The following ARK2N variants were observed in gnomAD, a reference collection of about 807,000 sequenced individuals.
The protein encoded by ARK2N is arkadia (RNF111) N-terminal like PKA signaling regulator 2N.
the ARK2N span, among the ~76,000 whole-genome samples, chr18:46,252,401 T>C: frequency 6.6e-6 from 1 of 151,906 alleles, no homozygotes. Flanking sequence ...CTTAGCCTCC[T>C]GAGTAGCTGG....
At chr18:46,260,008 A>G in the ARK2N span, among the ~76,000 whole-genome samples, 1 of 148,438 alleles carries the variant, frequency 6.7e-6, no homozygotes, top group African/African-American at 2.5e-5. Flanking sequence ...GTCATGATCC[A>G]CTGTGCCAGC....
the ARK2N span, among the ~76,000 whole-genome samples, chr18:46,249,737 C>G: frequency 6.6e-6 from 1 of 152,222 alleles, no homozygotes; most frequent in Admixed American, 6.5e-5. Context: ...ACCCTTCCCT[C>G]AAGCCCATAT....
At chr18:46,191,939 T>C in the ARK2N span, among the ~76,000 whole-genome samples, 4 of 152,246 alleles carry the variant, frequency 2.6e-5, no homozygotes, top group African/African-American at 9.6e-5. Context: ...GATTGGTTTC[T>C]TCACTTTGTG....
At chr18:46,248,438 A>T in the ARK2N span, among the ~76,000 whole-genome samples, 2 of 152,116 alleles carry the variant, frequency 1.3e-5, no homozygotes, top group Admixed American at 6.5e-5. Context: ...AAAATGGATG[A>T]TCCCAGGTGC....
the ARK2N span, among the ~76,000 whole-genome samples, chr18:46,257,134 T>C: frequency 6.6e-6 from 1 of 152,200 alleles, no homozygotes; most frequent in South Asian, 2.1e-4. Context: ...GTTGTCCTGT[T>C]CTTATTTTTT....
At chr18:46,262,816 G>A in the ARK2N span, 1 of 1,069,866 alleles carries the variant, frequency 9.3e-7, no homozygotes, top group African/African-American at 1.6e-5. Context: ...TTATGAACTT[G>A]CATACTAGGT....
the ARK2N span, among the ~76,000 whole-genome samples, chr18:46,205,293 AG>A: frequency 6.6e-6 from 1 of 152,222 alleles, no homozygotes; most frequent in Non-Finnish European, 1.5e-5. Flanking sequence ...TAATACGGAA[AG>A]GGGTAAAAAG....
chr18:46,210,883 C>G, the ARK2N span, among the ~76,000 whole-genome samples: 2 of 151,014 alleles, frequency 1.3e-5, no homozygotes, highest in Admixed American at 1.3e-4. Context: ...TGCATTCCAG[C>G]CTGGGCGACA....
At chr18:46,230,693 G>A in the ARK2N span, among the ~76,000 whole-genome samples, 2 of 152,128 alleles carry the variant, frequency 1.3e-5, no homozygotes, top group African/African-American at 2.4e-5. Flanking sequence ...AGAATTAAAA[G>A]GATTAAGCTG....
At chr18:46,219,702 C>A in the ARK2N span, among the ~76,000 whole-genome samples, 1 of 152,208 alleles carries the variant, frequency 6.6e-6, no homozygotes, top group African/African-American at 2.4e-5. Flanking sequence ...GATCTCCTGA[C>A]CTTGTGATCC....
the ARK2N span, among the ~76,000 whole-genome samples, chr18:46,201,665 T>A: frequency 1.3e-5 from 2 of 152,152 alleles, no homozygotes; most frequent in African/African-American, 4.8e-5. Flanking sequence ...GTAAGCCCTC[T>A]GTTGGCAGGT....
chr18:46,241,071 TAA>T, the ARK2N span, among the ~76,000 whole-genome samples: 2 of 152,260 alleles, frequency 1.3e-5, no homozygotes, highest in African/African-American at 4.8e-5. Context: ...AATCACTACC[TAA>T]AGTTATTTTT....
chr18:46,236,918 C>G, the ARK2N span, among the ~76,000 whole-genome samples: 3 of 150,342 alleles, frequency 2.0e-5, no homozygotes, highest in East Asian at 6.0e-4. Flanking sequence ...CACTGGAGTA[C>G]AGTGGTGTGA....
the ARK2N span, among the ~76,000 whole-genome samples, chr18:46,219,835 A>C: frequency 1.6e-4 from 25 of 152,210 alleles, no homozygotes; most frequent in Non-Finnish European, 1.5e-4. Flanking sequence ...TTTTATGATT[A>C]GAGTATTACT....
the ARK2N span, chr18:46,218,513 C>T: frequency 1.3e-5 from 2 of 152,086 alleles, no homozygotes; most frequent in Non-Finnish European, 1.5e-5. Context: ...TTATGGTATA[C>T]CTGCCATTCC....
chr18:46,255,466 T>A, the ARK2N span, among the ~76,000 whole-genome samples: 12 of 116,892 alleles, frequency 1.0e-4, no homozygotes, highest in South Asian at 3.5e-3. Flanking sequence ...TTTTTTTTTT[T>A]TTGAGGGGGA....
the ARK2N span, among the ~76,000 whole-genome samples, chr18:46,214,952 G>A: frequency 0.012 from 1,880 of 152,262 alleles, 49 homozygotes; most frequent in African/African-American, 0.043. Flanking sequence ...AGACAAGTTG[G>A]ATGCATAGTA....
chr18:46,215,046 C>T, the ARK2N span, among the ~76,000 whole-genome samples: 7 of 152,080 alleles, frequency 4.6e-5, no homozygotes, highest in Admixed American at 1.3e-4. Flanking sequence ...GGGCCAGGCA[C>T]GGTGGCTTAC....
chr18:46,178,741 C>T, the ARK2N span, among the ~76,000 whole-genome samples: 7 of 151,956 alleles, frequency 4.6e-5, no homozygotes, highest in Non-Finnish European at 1.0e-4. Flanking sequence ...ATGGCAGAAC[C>T]GTCTCTACAG....
Sources: gnomAD v4.1 joint callset for allele counts (sites outside exome capture counted in the v4.1 genomes callset) on GRCh38, gnomAD v4.1.1 for gene constraint, MANE v1.5 for transcripts, NCBI Gene and HGNC (gene_info 2026-07-23, HGNC 2026-07-21) for gene names.